The following RAB38 variants were observed in gnomAD, a reference collection of about 807,000 sequenced individuals.
RAB38 encodes ras-related protein Rab-38.
In RAB38, 15 loss-of-function variants were observed where a neutral mutation model predicts 18.4. The ratio of observed to expected loss-of-function variants is 0.82; its 90% CI spans 0.55 to 1.26. RAB38 has a LOEUF of 1.26. Ranked by LOEUF, RAB38 falls within the 50% of genes most tolerant of loss-of-function variation. The pLI, the probability that RAB38 is intolerant of heterozygous loss-of-function variation, is 0.00. For missense variants in RAB38, 294 were observed against 267.4 expected, an observed-to-expected ratio of 1.10 and a Z score of -0.69; for synonymous variants, 101 against 104.4, an observed-to-expected ratio of 0.97 and a Z score of 0.20.
At chr11:87,858,145 G>C in the RAB38 span, among the ~76,000 whole-genome samples, 2 of 152,012 alleles carry the variant, frequency 1.3e-5, no homozygotes, top group South Asian at 4.1e-4. Flanking sequence ...TCTTGTTTTT[G>C]TCAGGTTTGT....
intron 2 of RAB38, among the ~76,000 whole-genome samples, chr11:88,145,148 C>T (rs1241450949): frequency 1.4e-5 from 2 of 146,636 alleles, no homozygotes; most frequent in African/African-American, 5.0e-5. Flanking sequence ...ATTTATCTCT[C>T]TTTTTTTTTT....
At chr11:87,841,644 C>G in the RAB38 span, among the ~76,000 whole-genome samples, 1 of 152,116 alleles carries the variant, frequency 6.6e-6, no homozygotes, top group Non-Finnish European at 1.5e-5. Context: ...CCAGTCCACC[C>G]ACACACCAGA....
the RAB38 span, among the ~76,000 whole-genome samples, chr11:88,013,312 T>C: frequency 9.9e-5 from 15 of 151,922 alleles, no homozygotes; most frequent in African/African-American, 3.4e-4. Flanking sequence ...GAGGAACATA[T>C]TTTGTTTGTT....
At position 88,148,155 on chromosome 11, in the gene RAB38, TG is replaced by T. The variant is rs1943015239; in HGVS notation, c.483+1519del. Among the ~76,000 whole-genome samples the T allele has an allele frequency of 2.0e-5, 3 of 152,254 alleles. No individual in the cohort carries two copies. The South Asian group carries it at 6.2e-4, about 32-fold the overall frequency. Reference sequence around the variant, plus strand: ...GAAAGGGAAAAGCACACTGGCATACTGGGGTCTCAAAAGGAAGACAAGAACT... The same window carrying T: ...GAAAGGGAAAAGCACACTGGCATACTGGGTCTCAAAAGGAAGACAAGAACT... On this transcript the variant is annotated intron_variant, in intron 2 of 2. Coordinates refer to ENST00000243662, the MANE Select transcript of RAB38 (RefSeq NM_022337.3).
chr11:88,027,736 GAGCCCACCAC>G, the RAB38 span, among the ~76,000 whole-genome samples: 9 of 152,220 alleles, frequency 5.9e-5, no homozygotes, highest in African/African-American at 1.7e-4. Flanking sequence ...CAACTGGGTG[GAGCCCACCAC>G]AGCTCAAGGA....
chr11:88,170,392 T>C (rs1943296906), intron 1 of RAB38, among the ~76,000 whole-genome samples: 1 of 152,202 alleles, frequency 6.6e-6, no homozygotes, highest in Non-Finnish European at 1.5e-5. Flanking sequence ...ACTTTGACAT[T>C]TAAGACCCAT....
At chr11:88,147,905 A>C (rs1366036262) in intron 2 of RAB38, among the ~76,000 whole-genome samples, 4 of 152,120 alleles carry the variant, frequency 2.6e-5, no homozygotes, top group African/African-American at 4.8e-5. Context: ...AAAAACAAAC[A>C]AACAAAAAAA....
At chr11:88,136,588 T>A (rs1232033605) in intron 2 of RAB38, among the ~76,000 whole-genome samples, 1 of 152,158 alleles carries the variant, frequency 6.6e-6, no homozygotes. Flanking sequence ...CTGGCTTTTT[T>A]AAAAGTAGAA....
chr11:87,967,453 A>C, the RAB38 span, among the ~76,000 whole-genome samples: 2 of 152,134 alleles, frequency 1.3e-5, no homozygotes, highest in African/African-American at 2.4e-5. Context: ...AGTGGTTAAT[A>C]ATTTTAAAAT....
At chr11:87,822,046 C>T in the RAB38 span, among the ~76,000 whole-genome samples, 2 of 151,554 alleles carry the variant, frequency 1.3e-5, no homozygotes, top group Admixed American at 1.3e-4. Flanking sequence ...ACTGCAGTAA[C>T]CATTTCAAAC....
At chr11:87,867,904 C>G in the RAB38 span, among the ~76,000 whole-genome samples, 1 of 151,662 alleles carries the variant, frequency 6.6e-6, no homozygotes, top group South Asian at 2.1e-4. Flanking sequence ...GATCCAAACC[C>G]AAGTCACCTG....
the RAB38 span, among the ~76,000 whole-genome samples, chr11:88,042,922 G>C: frequency 5.3e-5 from 8 of 152,124 alleles, no homozygotes; most frequent in Non-Finnish European, 1.2e-4. Flanking sequence ...AAGAAAATTT[G>C]ACTTGCTAAA....
chr11:88,042,195 G>A, the RAB38 span, among the ~76,000 whole-genome samples: 2 of 152,070 alleles, frequency 1.3e-5, no homozygotes, highest in South Asian at 4.1e-4. Flanking sequence ...CTAGGAAAAG[G>A]TAGAAGTCTG....
the RAB38 span, among the ~76,000 whole-genome samples, chr11:87,878,137 T>C: frequency 6.7e-6 from 1 of 148,338 alleles, no homozygotes; most frequent in African/African-American, 2.5e-5. Flanking sequence ...GTAAAATCTA[T>C]GCTTTGACCA....
At chr11:88,070,331 C>G in the RAB38 span, among the ~76,000 whole-genome samples, 1 of 152,180 alleles carries the variant, frequency 6.6e-6, no homozygotes, top group African/African-American at 2.4e-5. Context: ...GACCACGAAC[C>G]CACCAGAAGG....
chr11:87,873,137 C>T, the RAB38 span, among the ~76,000 whole-genome samples: 1 of 151,536 alleles, frequency 6.6e-6, no homozygotes, highest in African/African-American at 2.4e-5. Flanking sequence ...CAATTTTTGA[C>T]AGTCTAACAG....
chr11:88,157,630 A>G (rs1280065722), intron 1 of RAB38, among the ~76,000 whole-genome samples: 1 of 152,196 alleles, frequency 6.6e-6, no homozygotes, highest in East Asian at 1.9e-4. Context: ...AATTGAAAAT[A>G]TACAATCATA....
the RAB38 span, among the ~76,000 whole-genome samples, chr11:87,875,684 C>T: frequency 6.6e-6 from 1 of 150,724 alleles, no homozygotes; most frequent in African/African-American, 2.4e-5. Context: ...GTTTTAATTT[C>T]CTTAGTTAGA....
the RAB38 span, among the ~76,000 whole-genome samples, chr11:88,077,941 T>C: frequency 0.016 from 2,504 of 151,922 alleles, 57 homozygotes; most frequent in African/African-American, 0.056. Flanking sequence ...GAATATTGAG[T>C]TGTTGAGCTC....
Sources: gnomAD v4.1 joint callset for allele counts (sites outside exome capture counted in the v4.1 genomes callset) on GRCh38, gnomAD v4.1.1 for gene constraint, MANE v1.5 for transcripts, NCBI Gene and HGNC (gene_info 2026-07-23, HGNC 2026-07-21) for gene names.